ABTB2: variants seen among roughly 807,000 people sequenced by gnomAD.
ABTB2 encodes the protein ankyrin repeat and BTB/POZ domain-containing protein 2.
ABTB2 carries 56 observed loss-of-function variants against 104.1 expected under a neutral mutation model. The ratio of observed to expected loss-of-function variants is 0.54; its 90% CI spans 0.43 to 0.67. The LOEUF (loss-of-function observed/expected upper bound fraction) is 0.67. Among genes scored for constraint, ABTB2 ranks in the 30% least tolerant of loss-of-function variants. ABTB2 has a pLI of 0.00. For synonymous variants in ABTB2, 606 were observed against 608.2 expected (o/e 1.00, Z 0.05); for missense variants, 1,279 against 1,407.7 (o/e 0.91, Z 1.46).
chr11:34,337,746 T>C (rs1006257182), intron 1 of ABTB2, among the ~76,000 whole-genome samples: 1 of 152,186 alleles, frequency 6.6e-6, no homozygotes, highest in Non-Finnish European at 1.5e-5. Context: ...GCTCACCTCA[T>C]AGTAGGCATT....
Position 34,348,189 on chromosome 11 carries a change from C to T in ABTB2, c.883+8512G>A, listed in dbSNP as rs148323524. Among the ~76,000 whole-genome samples the T allele has an allele frequency of 1.4e-4, 21 of 152,232 alleles. 1 individual carries two copies. The highest frequency in any genetic ancestry group is 6.2e-4 in the South Asian group (3 of 4,822). On this transcript the variant is annotated intron_variant, in intron 1 of 16. Transcript: ENST00000435224. ...ATGCTTTTACTGCTAGGACAGCAGA[C>T]GGGTGCATTTTTGAGGTCAAGCTTT...
intron 3 of ABTB2, among the ~76,000 whole-genome samples, chr11:34,193,088 A>G (rs2058820661): frequency 6.6e-6 from 1 of 152,158 alleles, no homozygotes; most frequent in African/African-American, 2.4e-5. Context: ...ACAACCAGCA[A>G]GGGCCACATC....
At chr11:34,304,377 C>T (rs562091232) in intron 1 of ABTB2, among the ~76,000 whole-genome samples, 1 of 152,302 alleles carries the variant, frequency 6.6e-6, no homozygotes, top group Non-Finnish European at 1.5e-5. Flanking sequence ...TCCCTAAGGG[C>T]TGGGATTACA....
chr11:34,299,611 A>G (rs1157785753), intron 1 of ABTB2, among the ~76,000 whole-genome samples: 1 of 152,234 alleles, frequency 6.6e-6, no homozygotes, highest in Non-Finnish European at 1.5e-5. Context: ...TTAAACCAGC[A>G]CATGAACCCT....
intron 1 of ABTB2, among the ~76,000 whole-genome samples, chr11:34,240,700 C>G (rs1853904628): frequency 6.6e-6 from 1 of 152,146 alleles, no homozygotes; most frequent in Non-Finnish European, 1.5e-5. Flanking sequence ...TCAAGTGATT[C>G]TCCTGCTTCA....
chr11:34,163,771 C>T (rs559205891), intron 9 of ABTB2, among the ~76,000 whole-genome samples: 8 of 152,234 alleles, frequency 5.3e-5, no homozygotes, highest in Non-Finnish European at 1.2e-4. Flanking sequence ...TTGGGCCAGG[C>T]GCTGGCATGT....
Position 34,171,082 on chromosome 11 carries a change from G to T in ABTB2, c.1398-11C>A. The T allele has an allele frequency of 6.2e-7, 1 of 1,613,426 alleles. No individual in the cohort carries two copies. The highest frequency in any genetic ancestry group is 8.5e-7 in the Non-Finnish European group (1 of 1,179,630). On this transcript the variant is annotated splice_polypyrimidine_tract_variant and intron_variant, in intron 4 of 16. Transcript: ENST00000435224. Reference sequence around the variant, plus strand: ...AAACAGTGTTCGGGTCTGCCCAGAAGAGACCCAAAGGTGCGTGTGACTGTA... The same window carrying T: ...AAACAGTGTTCGGGTCTGCCCAGAATAGACCCAAAGGTGCGTGTGACTGTA...
chr11:34,340,091 G>A (rs1380985441), intron 1 of ABTB2, among the ~76,000 whole-genome samples: 1 of 151,878 alleles, frequency 6.6e-6, no homozygotes, highest in Admixed American at 6.6e-5. Flanking sequence ...AAAAGGACAG[G>A]AAGGAAGGGA....
chr11:34,162,316 T>C (rs1343443204), intron 10 of ABTB2, among the ~76,000 whole-genome samples: 2 of 152,128 alleles, frequency 1.3e-5, no homozygotes, highest in Non-Finnish European at 2.9e-5. Context: ...CCAGGCAGGG[T>C]GGAGGGCCCG....
At chr11:34,178,120 C>A (rs916520120) in intron 3 of ABTB2, among the ~76,000 whole-genome samples, 2 of 152,164 alleles carry the variant, frequency 1.3e-5, no homozygotes, top group African/African-American at 4.8e-5. Flanking sequence ...TTAATACTTT[C>A]AATATACAGA....
At chr11:34,275,958 C>T (rs12361605) in intron 1 of ABTB2, among the ~76,000 whole-genome samples, 17,411 of 152,166 alleles carry the variant, frequency 0.11, 1,172 homozygotes, top group Admixed American at 0.21. Context: ...CATTGCTAGA[C>T]GGTAGAGAGG....
At chr11:34,167,512 G>A in intron 6 of ABTB2, 152 bp from the exon 7 acceptor site, 1 of 729,588 alleles carries the variant, frequency 1.4e-6, no homozygotes, top group Non-Finnish European at 2.3e-6. Flanking sequence ...AAAAAGAGAG[G>A]ATAGGTATTT....
intron 1 of ABTB2, among the ~76,000 whole-genome samples, chr11:34,227,390 G>A (rs1051497308): frequency 1.3e-5 from 2 of 151,678 alleles, no homozygotes; most frequent in African/African-American, 4.8e-5. Flanking sequence ...CTGTCTCTAC[G>A]AATTTGCCTT....
chr11:34,306,121 A>ACAGGTCT (rs1854767539), intron 1 of ABTB2, among the ~76,000 whole-genome samples: 1 of 152,146 alleles, frequency 6.6e-6, no homozygotes, highest in South Asian at 2.1e-4. Context: ...TTAGGTATTT[A>ACAGGTCT]CAGGTCTCAG....
chr11:34,302,900 G>A (rs1322852153), intron 1 of ABTB2, among the ~76,000 whole-genome samples: 1 of 152,162 alleles, frequency 6.6e-6, no homozygotes, highest in African/African-American at 2.4e-5. Context: ...TTATAAATGG[G>A]AACCTCTATC....
intron 1 of ABTB2, among the ~76,000 whole-genome samples, chr11:34,276,174 G>A (rs532067543): frequency 3.7e-4 from 56 of 150,674 alleles, no homozygotes; most frequent in Non-Finnish European, 6.3e-4. Flanking sequence ...CAACATCAGA[G>A]AGCCATGTCA....
chr11:34,328,780 C>G (rs1855098085), intron 1 of ABTB2, among the ~76,000 whole-genome samples: 1 of 152,170 alleles, frequency 6.6e-6, no homozygotes, highest in East Asian at 1.9e-4. Flanking sequence ...TGGTTTAGTT[C>G]TGAAATGGAA....
chr11:34,319,925 C>T (rs1346648638), intron 1 of ABTB2, among the ~76,000 whole-genome samples: 1 of 152,080 alleles, frequency 6.6e-6, no homozygotes. Flanking sequence ...ACCTCGGCCT[C>T]CCAAAGGGCT....
chr11:34,160,689 G>A (rs1237467034), intron 11 of ABTB2, among the ~76,000 whole-genome samples: 1 of 25,552 alleles, frequency 3.9e-5, no homozygotes, highest in Non-Finnish European at 9.3e-5. Flanking sequence ...GTATGTGTGT[G>A]TTGAGTGGGG....
Sources: gnomAD v4.1 joint callset for allele counts (sites outside exome capture counted in the v4.1 genomes callset) on GRCh38, gnomAD v4.1.1 for gene constraint, MANE v1.5 for transcripts, NCBI Gene and HGNC (gene_info 2026-07-23, HGNC 2026-07-21) for gene names.